The following ABCG1 variants were observed in gnomAD, a reference collection of about 807,000 sequenced individuals.
ABCG1 encodes the protein ATP binding cassette subfamily G member 1, also known as ATP-binding cassette sub-family G member 1.
A neutral mutation model predicts 69.2 loss-of-function variants in ABCG1; 29 were observed. The observed-to-expected ratio is 0.42, with a 90% confidence interval of 0.31 to 0.57. The LOEUF is 0.57. ABCG1 is among the 20% of genes least tolerant of loss of function. The probability of loss-of-function intolerance (pLI) is 0.15; values close to 1 mark genes in which losing one functional copy is unlikely to be tolerated. For synonymous variants in ABCG1, 370 were observed against 374.8 expected (o/e 0.99, Z 0.15); for missense variants, 718 against 898.1 (o/e 0.80, Z 2.56).
chr21:42,246,760 T>C (rs535396778), intron 2 of ABCG1, among the ~76,000 whole-genome samples: 1 of 152,346 alleles, frequency 6.6e-6, no homozygotes, highest in African/African-American at 2.4e-5. Context: ...CAGGCTGAGA[T>C]TTTTAGTTTA....
chr21:42,264,601 A>G (rs1488923933), intron 2 of ABCG1, among the ~76,000 whole-genome samples: 2 of 152,090 alleles, frequency 1.3e-5, no homozygotes, highest in African/African-American at 4.8e-5. Flanking sequence ...ATGTTTAGAG[A>G]TGGAAAGGTG....
rs1209345318 is a variant in ABCG1 at position 42,219,851 on chromosome 21, C to T, written c.42+547C>T. 5 of 1,521,110 alleles carry T rather than the reference C, an allele frequency of 3.3e-6. No individual in the cohort carries two copies. In the African/African-American group the frequency reaches 4.1e-5, roughly 13 times the overall value. 94.2% of individuals were successfully genotyped at this position (1,521,110 alleles called of 1,614,324 possible). On this transcript the variant is annotated intron_variant, in intron 1 of 14. Transcript: ENST00000398449. The surrounding 1 kb of genome is among the most constrained non-coding windows in gnomAD (Gnocchi z 5.3). ...GCGACTGCACTCCCGGGGACACCCT[C>T]TCCCGGACCCACTCGGGGAGGCGGC...
chr21:42,260,061 A>T, intron 2 of ABCG1: 1 of 1,550,606 alleles, frequency 6.4e-7, no homozygotes, highest in Non-Finnish European at 8.7e-7. Flanking sequence ...GGTCGCTATC[A>T]GTGGCAAAGT....
At chr21:42,266,085 A>G (rs1254906036) in intron 2 of ABCG1, among the ~76,000 whole-genome samples, 1 of 152,096 alleles carries the variant, frequency 6.6e-6, no homozygotes, top group African/African-American at 2.4e-5. Context: ...GCGGATCACG[A>G]GGTCAGGAGA....
At chr21:42,235,700 A>G (rs1468222652) in intron 2 of ABCG1, among the ~76,000 whole-genome samples, 1 of 152,236 alleles carries the variant, frequency 6.6e-6, no homozygotes, top group Non-Finnish European at 1.5e-5. Context: ...GTGGGGACCT[A>G]GGTTGTATCA....
chr21:42,295,816 T>A (rs1233347655), intron 14 of ABCG1, among the ~76,000 whole-genome samples: 2 of 152,148 alleles, frequency 1.3e-5, no homozygotes, highest in African/African-American at 4.8e-5. Flanking sequence ...TCCTTGCAAG[T>A]TGGCTGGCCC....
chr21:42,226,646 A>G lies in ABCG1; in HGVS notation c.286+732A>G, dbSNP rs532596614. Among the ~76,000 whole-genome samples the G allele has an allele frequency of 2.0e-5, 3 of 152,020 alleles. No individual in the cohort carries two copies. In the South Asian group the frequency reaches 6.2e-4, roughly 32 times the overall value. On this transcript the variant is annotated intron_variant, in intron 2 of 14. Coordinates refer to ENST00000398449, the MANE Select transcript of ABCG1 (RefSeq NM_016818.3). ...GGTTGGTGTGTTTTTTTCAAGCCTG[A>G]TCTGTTTCTTCTGTGGAATTTATCC... is the stretch of plus-strand genomic sequence containing the variant.
chr21:42,239,088 G>A (rs780067174), intron 2 of ABCG1, among the ~76,000 whole-genome samples: 2 of 152,096 alleles, frequency 1.3e-5, no homozygotes, highest in African/African-American at 2.4e-5. Flanking sequence ...ATGATTCCAG[G>A]TGTAGTACTT....
chr21:42,282,134 C>T (rs1470885367), intron 5 of ABCG1, 140 bp from the exon 6 acceptor site: 23 of 1,191,786 alleles, frequency 1.9e-5, no homozygotes, highest in African/African-American at 9.2e-5. Context: ...GGAGTGGGTT[C>T]GACTTGCGTG....
rs902587972 is a variant in ABCG1 at position 42,253,383 on chromosome 21, G to A, written c.287-17687G>A. On this transcript the variant is annotated intron_variant, in intron 2 of 14. Coordinates refer to ENST00000398449, the MANE Select transcript of ABCG1 (RefSeq NM_016818.3). ...TGGGGGAAAGCTGGGACCCCACTTG[G>A]TACAATTTAGGAAGGTACAGAAGAA... Among the ~76,000 whole-genome samples, 7 of 152,296 alleles carry A rather than the reference G, an allele frequency of 4.6e-5. No homozygotes were observed. The East Asian group carries it at 1.4e-3, about 29-fold the overall frequency.
intron 2 of ABCG1, among the ~76,000 whole-genome samples, chr21:42,227,045 CA>C (rs1474664300): frequency 1.3e-5 from 2 of 152,324 alleles, no homozygotes; most frequent in African/African-American, 4.8e-5. Context: ...TTAGCATGGG[CA>C]GTCCCATCTT....
At chr21:42,208,223 C>CTTT (rs35946579) in intron 2 of ABCG1, among the ~76,000 whole-genome samples, 11 of 133,680 alleles carry the variant, frequency 8.2e-5, no homozygotes, top group African/African-American at 3.0e-4. Flanking sequence ...TTTGTTGGGA[C>CTTT]TTTTTTTTTT....
chr21:42,214,793 C>G (rs1017651269), upstream of ABCG1, among the ~76,000 whole-genome samples: 15 of 152,226 alleles, frequency 9.9e-5, no homozygotes, highest in African/African-American at 2.7e-4. Context: ...CTCTCTGCAG[C>G]CTTCTCCCCA....
chr21:42,262,458 T>G (rs2068430147), intron 2 of ABCG1, among the ~76,000 whole-genome samples: 1 of 152,184 alleles, frequency 6.6e-6, no homozygotes, highest in South Asian at 2.1e-4. Context: ...CACACCTGGG[T>G]GGTATTCTTA....
At chr21:42,260,267 C>A (rs2123686300) in intron 2 of ABCG1, 8 of 1,488,918 alleles carry the variant, frequency 5.4e-6, no homozygotes, top group Non-Finnish European at 7.2e-6. Flanking sequence ...CCAGCTTCCA[C>A]CACGGAGCCG....
chr21:42,256,276 C>T (rs188016146), intron 2 of ABCG1: 26 of 1,509,370 alleles, frequency 1.7e-5, no homozygotes, highest in African/African-American at 9.7e-5. Context: ...CCTGCCCTCC[C>T]GCCAGGAGGT....
intron 1 of ABCG1, among the ~76,000 whole-genome samples, chr21:42,221,912 G>A (rs1352313513): frequency 6.6e-6 from 1 of 152,184 alleles, no homozygotes; most frequent in Non-Finnish European, 1.5e-5. Context: ...CAGCTAAACA[G>A]GCATCTCTAT....
intron 2 of ABCG1, among the ~76,000 whole-genome samples, chr21:42,243,367 A>G (rs941326253): frequency 1.3e-5 from 2 of 151,726 alleles, no homozygotes; most frequent in African/African-American, 4.8e-5. Context: ...AGCAATTTAT[A>G]TTATTATTTA....
At chr21:42,200,683 G>A (rs751527319) in intron 1 of ABCG1, among the ~76,000 whole-genome samples, 1 of 150,972 alleles carries the variant, frequency 6.6e-6, no homozygotes, top group Non-Finnish European at 1.5e-5. Context: ...CTGCTTCCTG[G>A]GTTCAAGTGA....
Sources: gnomAD v4.1 joint callset for allele counts (sites outside exome capture counted in the v4.1 genomes callset) on GRCh38, gnomAD v4.1.1 for gene constraint, Gnocchi (gnomAD v3.1) non-coding constraint, MANE v1.5 for transcripts, NCBI Gene and HGNC (gene_info 2026-07-23, HGNC 2026-07-21) for gene names.